The following CSMD1 variants were observed in gnomAD, a reference collection of about 807,000 sequenced individuals.
The protein encoded by CSMD1 is CUB and Sushi multiple domains 1, also known as CUB and sushi domain-containing protein 1.
Under a neutral mutation model 417.5 loss-of-function variants are expected in CSMD1, and 213 were observed. The ratio of observed to expected loss-of-function variants is 0.51; its 90% CI spans 0.46 to 0.57. The LOEUF (loss-of-function observed/expected upper bound fraction) is 0.57. Among genes scored for constraint, CSMD1 ranks in the 20% least tolerant of loss-of-function variants. The pLI is 0.00. For missense variants in CSMD1, 6,923 were observed against 4,529.7 expected, an observed-to-expected ratio of 1.53 and a Z score of -15.17; for synonymous variants, 2,862 against 1,736.8, an observed-to-expected ratio of 1.65 and a Z score of -16.11.
At chr8:4,172,333 T>C (rs1483557216) in intron 3 of CSMD1, among the ~76,000 whole-genome samples, 1 of 152,028 alleles carries the variant, frequency 6.6e-6, no homozygotes. Context: ...ATGACTAGTG[T>C]CATTGAGAAA....
intron 2 of CSMD1, among the ~76,000 whole-genome samples, chr8:4,632,285 G>C (rs1021480617): frequency 3.9e-5 from 6 of 152,070 alleles, no homozygotes; most frequent in Non-Finnish European, 8.8e-5. Flanking sequence ...GGCCGAGGTG[G>C]GCAGATCACC....
chr8:3,873,450 G>A (rs957448956), intron 5 of CSMD1, among the ~76,000 whole-genome samples: 2 of 152,008 alleles, frequency 1.3e-5, no homozygotes, highest in African/African-American at 4.8e-5. Context: ...AACTAACACA[G>A]CAACAGAAAA....
intron 5 of CSMD1, among the ~76,000 whole-genome samples, chr8:3,764,810 C>A (rs1798185709): frequency 6.7e-6 from 1 of 148,510 alleles, no homozygotes; most frequent in Non-Finnish European, 1.5e-5. Flanking sequence ...GCAGGGGCAC[C>A]ATCTTGGCTC....
intron 2 of CSMD1, among the ~76,000 whole-genome samples, chr8:4,424,733 A>T (rs761414853): frequency 2.6e-5 from 4 of 152,080 alleles, no homozygotes; most frequent in Non-Finnish European, 5.9e-5. Flanking sequence ...TTGCCCTAGA[A>T]ATGCTCATGA....
intron 6 of CSMD1, among the ~76,000 whole-genome samples, chr8:3,736,435 T>C (rs910751602): frequency 1.3e-5 from 2 of 152,084 alleles, no homozygotes; most frequent in African/African-American, 4.8e-5. Context: ...TGTAGCAATG[T>C]GGTCTCACTA....
intron 1 of CSMD1, among the ~76,000 whole-genome samples, chr8:4,781,210 G>A (rs1437750960): frequency 6.6e-6 from 1 of 152,220 alleles, no homozygotes; most frequent in Admixed American, 6.5e-5. Flanking sequence ...AAAGAAGCCT[G>A]AAGGGCATTA....
chr8:3,662,843 T>C (rs747936510), intron 7 of CSMD1, among the ~76,000 whole-genome samples: 3 of 150,402 alleles, frequency 2.0e-5, no homozygotes, highest in Non-Finnish European at 4.4e-5. Context: ...TGTCGGTGGG[T>C]AGGGGGAAAG....
rs984292526 is a variant in CSMD1, at chr8:3,502,306, A to G, written c.1345-8580T>C. Among the ~76,000 whole-genome samples, 58 of 148,026 alleles carry G rather than the reference A, an allele frequency of 3.9e-4. 1 individual carries two copies. The highest frequency in any genetic ancestry group is 1.5e-5 in the Non-Finnish European group (1 of 67,486). ...CGCGAACCCAGGAGGAGGAGCTTGC[A>G]GTGAGCTGAGATCGCGCCACTGCAC... On this transcript the variant is annotated intron_variant, in intron 10 of 69. Transcript: ENST00000635120.
intron 5 of CSMD1, among the ~76,000 whole-genome samples, chr8:3,834,039 A>C (rs140280523): frequency 6.6e-6 from 1 of 152,192 alleles, no homozygotes; most frequent in Non-Finnish European, 1.5e-5. Context: ...TGACACGGTC[A>C]CTAATGTAAA....
rs554080151 is a variant in CSMD1, at chr8:4,013,352, G to C, written c.611-15242C>G. ...CTGTTGTCTCAAGGCCAAACACCTG[G>C]TTGATCCCTCTGTCAGAACCACATT... On this transcript the variant is annotated intron_variant, in intron 4 of 69. Coordinates refer to ENST00000635120, the MANE Select transcript of CSMD1 (RefSeq NM_033225.6). 4.4e-4 allele frequency among the ~76,000 whole-genome samples: 67 copies of C among 152,242 alleles called. 1 individual carries two copies. The highest frequency in any genetic ancestry group is 1.5e-3 in the African/African-American group (64 of 41,534).
intron 54 of CSMD1, among the ~76,000 whole-genome samples, chr8:2,980,327 C>T (rs1805295209): frequency 6.6e-6 from 1 of 151,736 alleles, no homozygotes; most frequent in South Asian, 2.1e-4. Context: ...TCCTCCTCCT[C>T]CTCCTCCTCC....
At chr8:3,943,625 A>T (rs970181240) in intron 5 of CSMD1, among the ~76,000 whole-genome samples, 2 of 152,154 alleles carry the variant, frequency 1.3e-5, no homozygotes, top group African/African-American at 4.8e-5. Flanking sequence ...TGTAACCAAG[A>T]GATCAAAGTT....
intron 53 of CSMD1, among the ~76,000 whole-genome samples, chr8:2,998,402 A>G (rs1807103210): frequency 6.6e-6 from 1 of 152,246 alleles, no homozygotes. Flanking sequence ...GTGGAAAATA[A>G]CAAACACCTG....
At chr8:4,735,706 C>T (rs1402352403) in intron 1 of CSMD1, among the ~76,000 whole-genome samples, 2 of 152,148 alleles carry the variant, frequency 1.3e-5, no homozygotes, top group African/African-American at 4.8e-5. Flanking sequence ...CATCTTCTTG[C>T]TTTTATCTCC....
intron 27 of CSMD1, among the ~76,000 whole-genome samples, chr8:3,226,239 T>A (rs1275742505): frequency 6.6e-6 from 1 of 152,140 alleles, no homozygotes; most frequent in East Asian, 1.9e-4. Context: ...GAAAAGCAAT[T>A]GCAGGCTATA....
intron 26 of CSMD1, chr8:3,278,331 A>C (rs181941843): frequency 2.0e-5 from 3 of 152,218 alleles, no homozygotes; most frequent in African/African-American, 2.4e-5. Flanking sequence ...TAGTAATTCA[A>C]ATGTGTCCAA....
At chr8:2,996,063 G>T (rs1377531273) in intron 54 of CSMD1, among the ~76,000 whole-genome samples, 3 of 152,066 alleles carry the variant, frequency 2.0e-5, no homozygotes, top group African/African-American at 4.8e-5. Flanking sequence ...GGGACAAAAA[G>T]GACCTCTCTG....
intron 2 of CSMD1, among the ~76,000 whole-genome samples, chr8:4,498,257 A>G (rs911933021): frequency 6.6e-6 from 1 of 152,166 alleles, no homozygotes; most frequent in Non-Finnish European, 1.5e-5. Context: ...CTTCCATCAA[A>G]GTACAAACTA....
At chr8:4,704,994 G>T (rs950617587) in intron 1 of CSMD1, among the ~76,000 whole-genome samples, 1 of 152,182 alleles carries the variant, frequency 6.6e-6, no homozygotes, top group Non-Finnish European at 1.5e-5. Context: ...TACACGTGTT[G>T]AGGAAGCGTC....
Sources: gnomAD v4.1 joint callset for allele counts (sites outside exome capture counted in the v4.1 genomes callset) on GRCh38, gnomAD v4.1.1 for gene constraint, MANE v1.5 for transcripts, NCBI Gene and HGNC (gene_info 2026-07-23, HGNC 2026-07-21) for gene names.